Variants in DNAH7 observed in about 807,000 individuals in gnomAD.
The protein encoded by DNAH7 is dynein axonemal heavy chain 7, also known as axonemal beta dynein heavy chain 7.
A neutral mutation model predicts 444.6 loss-of-function variants in DNAH7; 397 were observed. The ratio of observed to expected loss-of-function variants is 0.89; its 90% confidence interval spans 0.82 to 0.97. DNAH7 has a LOEUF of 0.97. Among genes scored for constraint, DNAH7 ranks in the 50% least tolerant of loss-of-function variants. DNAH7 has a pLI of 0.00. For synonymous variants in DNAH7, 1,636 were observed against 1,624.4 expected, an observed-to-expected ratio of 1.01 and a Z score of -0.17; for missense variants, 4,902 against 4,800.8, an observed-to-expected ratio of 1.02 and a Z score of -0.62.
intron 58 of DNAH7, among the ~76,000 whole-genome samples, chr2:195,786,049 A>G (rs1277758424): frequency 6.6e-6 from 1 of 152,164 alleles, no homozygotes; most frequent in South Asian, 2.1e-4. Flanking sequence ...ATTCTATAGA[A>G]TAAGAATTTG....
At chr2:195,916,022 A>C (rs984268531) in intron 24 of DNAH7, among the ~76,000 whole-genome samples, 20 of 152,260 alleles carry the variant, frequency 1.3e-4, no homozygotes, top group African/African-American at 4.8e-4. Flanking sequence ...AACATTTCTA[A>C]AATAAAATCA....
At position 196,019,215 on chromosome 2, in the gene DNAH7, T is replaced by G. The variant is rs766001197; in HGVS notation, c.824A>C (p.Asn275Thr). 2.0e-6 allele frequency: 3 copies of G among 1,528,262 alleles called. No homozygotes were observed. The Admixed American group carries it at 5.2e-5, about 27-fold the overall frequency. The allele number at this position is 1,528,262 out of a possible 1,614,324, so 94.7% of individuals were successfully genotyped here. ...ATCTAGTACAGCCAGCATTGTGGGG[T>G]TCATTGCATTCAAGTGATCCCTAAT... ...SYIRDHLNAM[N>T]PTMLAVLDLW... Residue 275 changes from asparagine (N) to threonine (T), a missense_variant, in exon 9 of 65, where the codon AAC (asparagine) becomes ACC (threonine). By Grantham distance (65) the Asn-to-Thr change is moderately conservative (BLOSUM62 0). Transcript: ENST00000312428.
chr2:195,822,989 T>C (rs773268708), intron 49 of DNAH7, among the ~76,000 whole-genome samples: 4 of 152,140 alleles, frequency 2.6e-5, no homozygotes, highest in Non-Finnish European at 4.4e-5. Context: ...CATCACTCTA[T>C]GAGATAGATA....
intron 5 of DNAH7, among the ~76,000 whole-genome samples, chr2:196,034,156 T>C (rs1035524649): frequency 6.6e-6 from 1 of 152,148 alleles, no homozygotes; most frequent in Admixed American, 6.5e-5. Context: ...GTATAGGAAA[T>C]TCTAAGGAAC....
intron 63 of DNAH7, among the ~76,000 whole-genome samples, chr2:195,748,619 T>C (rs563067633): frequency 0.013 from 2,034 of 152,318 alleles, 28 homozygotes; most frequent in South Asian, 0.038. Flanking sequence ...AACAGCATGG[T>C]ACTGGTACCA....
chr2:196,050,525 AAAT>A (rs1333316863), intron 3 of DNAH7, among the ~76,000 whole-genome samples: 2 of 152,170 alleles, frequency 1.3e-5, no homozygotes, highest in Non-Finnish European at 2.9e-5. Context: ...TTTTTTTAAA[AAAT>A]AATAATATTT....
intron 35 of DNAH7, among the ~76,000 whole-genome samples, 166 bp from the exon 36 acceptor site, chr2:195,882,158 G>A (rs1327806478): frequency 6.6e-6 from 1 of 152,186 alleles, no homozygotes; most frequent in Non-Finnish European, 1.5e-5. Context: ...AATTGTACAT[G>A]TAAATTAAGG....
chr2:195,740,953 T>C, intron 63 of DNAH7, 84 bp from the exon 64 acceptor site: 1 of 717,106 alleles, frequency 1.4e-6, no homozygotes, highest in South Asian at 3.5e-5. Context: ...TACATGTAAG[T>C]ACTATGCAGG....
Position 195,776,171 on chromosome 2 carries a change from C to T in DNAH7, c.11065-188G>A, listed in dbSNP as rs926743915. 2.6e-5 allele frequency among the ~76,000 whole-genome samples: 4 copies of T among 152,092 alleles called. No homozygotes were observed. In the South Asian group the frequency reaches 6.2e-4, roughly 24 times the overall value. On this transcript the variant is annotated intron_variant, in intron 59 of 64. Coordinates refer to ENST00000312428, the MANE Select transcript of DNAH7 (RefSeq NM_018897.3). Reference sequence around the variant, plus strand: ...AAAAAAAAATATGAACAGCTAGGCGCGGTGGCTCACGCCTGTAATCCCAGC... The same window carrying T: ...AAAAAAAAATATGAACAGCTAGGCGTGGTGGCTCACGCCTGTAATCCCAGC...
chr2:195,936,445 A>G (rs188285951), intron 20 of DNAH7, among the ~76,000 whole-genome samples, 154 bp downstream of exon 20: 8 of 152,328 alleles, frequency 5.3e-5, no homozygotes, highest in Non-Finnish European at 7.4e-5. Flanking sequence ...TACATTTTTA[A>G]TAATTATCCA....
chr2:195,769,607 G>A (rs1230088335), intron 61 of DNAH7, among the ~76,000 whole-genome samples: 1 of 151,948 alleles, frequency 6.6e-6, no homozygotes, highest in African/African-American at 2.4e-5. Context: ...GGTCTAGGGG[G>A]TAAAGGTGTT....
At chr2:195,913,049 G>A (rs1314432806) in intron 24 of DNAH7, among the ~76,000 whole-genome samples, 1 of 151,944 alleles carries the variant, frequency 6.6e-6, no homozygotes, top group Non-Finnish European at 1.5e-5. Context: ...ATCTACCCTA[G>A]ATTTCATTCA....
In DNAH7 at chr2:195,799,487, G is replaced by A. The variant is rs756809294; in HGVS notation, c.10177-15C>T. 6.5e-6 allele frequency: 10 copies of A among 1,530,458 alleles called. No individual in the cohort carries two copies. Among genetic ancestry groups the A allele is most frequent in the East Asian group, 4.8e-5 (2 of 42,036 alleles). The allele number at this position is 1,530,458 out of a possible 1,614,324, so 94.8% of individuals were successfully genotyped here. A position where few individuals can be genotyped will look rare whatever the true frequency, so the allele number is the denominator to read the frequency against. On this transcript the variant is annotated splice_polypyrimidine_tract_variant and intron_variant, in intron 54 of 64. Transcript: ENST00000312428. The stretch of plus-strand genomic sequence containing the variant: ...ATTGGAATAACCTAGAAAGAGACAA[G>A]GATATAGTTGGAAGAATATTCAAAA...
chr2:195,829,360 C>A (rs1697950067), intron 48 of DNAH7, among the ~76,000 whole-genome samples: 1 of 151,764 alleles, frequency 6.6e-6, no homozygotes, highest in Admixed American at 6.6e-5. Flanking sequence ...GTATATGTGG[C>A]CCTACTATAT....
chr2:195,889,365 G>A (rs1310474328), intron 31 of DNAH7, among the ~76,000 whole-genome samples: 2 of 150,250 alleles, frequency 1.3e-5, no homozygotes, highest in Admixed American at 6.6e-5. Context: ...CCAGGCTGGA[G>A]GGCAGAGTGG....
chr2:195,889,204 G>A (rs1312493935), intron 31 of DNAH7, among the ~76,000 whole-genome samples: 1 of 151,964 alleles, frequency 6.6e-6, no homozygotes, highest in Admixed American at 6.6e-5. Context: ...CCATGGACAA[G>A]ACAGACATAT....
At chr2:195,873,838 C>T in intron 38 of DNAH7, 144 bp from the exon 39 acceptor site, 1 of 518,088 alleles carries the variant, frequency 1.9e-6, no homozygotes, top group East Asian at 3.7e-5. Context: ...TTTGGATAAC[C>T]CTGACATCAA....
At chr2:195,782,181 C>G (rs1322724695) in intron 58 of DNAH7, among the ~76,000 whole-genome samples, 2 of 152,112 alleles carry the variant, frequency 1.3e-5, no homozygotes, top group African/African-American at 2.4e-5. Context: ...AGCAAATAAC[C>G]AATTATTCTA....
chr2:196,029,734 A>G (rs183053122), intron 5 of DNAH7, among the ~76,000 whole-genome samples: 3 of 152,032 alleles, frequency 2.0e-5, no homozygotes, highest in African/African-American at 7.3e-5. Context: ...TTGCCCTTCC[A>G]TATGTGCTTC....
Sources: allele counts gnomAD v4.1 joint callset (sites outside exome capture counted in the v4.1 genomes callset), GRCh38; gene constraint gnomAD v4.1.1; transcripts MANE v1.5; gene names NCBI Gene and HGNC (gene_info 2026-07-23, HGNC 2026-07-21).